TSHZ2: variants seen among roughly 807,000 people sequenced by gnomAD.
The protein encoded by TSHZ2 is teashirt homolog 2.
TSHZ2 carries 21 observed loss-of-function variants against 74.4 expected under a neutral mutation model. That is an observed-to-expected ratio of 0.28 (90% CI 0.20 to 0.41). The LOEUF (loss-of-function observed/expected upper bound fraction) is 0.41, where lower values mean the gene tolerates loss of function less well. Among genes scored for constraint, TSHZ2 ranks in the 10% least tolerant of loss-of-function variants. The pLI, the probability that TSHZ2 is intolerant of heterozygous loss-of-function variation, is 1.00. For synonymous variants in TSHZ2, 540 were observed against 515.3 expected, an observed-to-expected ratio of 1.05 and a Z score of -0.65; for missense variants, 1,244 against 1,293.5, an observed-to-expected ratio of 0.96 and a Z score of 0.59.
intron 2 of TSHZ2, among the ~76,000 whole-genome samples, chr20:53,327,072 T>G (rs116727385): frequency 6.6e-6 from 1 of 152,224 alleles, no homozygotes; most frequent in Admixed American, 6.5e-5. Flanking sequence ...TAAAGTCTGA[T>G]GAGGACATAG....
chr20:53,111,250 T>C (rs763094939), intron 1 of TSHZ2, among the ~76,000 whole-genome samples: 13 of 152,242 alleles, frequency 8.5e-5, no homozygotes, highest in African/African-American at 1.4e-4. Context: ...GATTATTTAT[T>C]CAGTCAATGA....
chr20:53,221,286 G>A (rs1007874098), intron 1 of TSHZ2, among the ~76,000 whole-genome samples: 6 of 152,098 alleles, frequency 3.9e-5, no homozygotes, highest in African/African-American at 1.4e-4. Flanking sequence ...CCCAGTCTCA[G>A]GTATGTCTTT....
In TSHZ2 at chr20:53,319,746, A is replaced by G. The variant is rs1568866346; in HGVS notation, c.*8+63175A>G. ...TCTGAGTCTCAGTTTAGTCATCTAA[A>G]AAATGGGGACAAAATCTTTAAGAGA... On this transcript the variant is annotated intron_variant, in intron 2 of 2. Transcript: ENST00000371497. 2.0e-5 allele frequency among the ~76,000 whole-genome samples: 3 copies of G among 152,246 alleles called. No individual in the cohort carries two copies. In the South Asian group the frequency reaches 6.2e-4, roughly 31 times the overall value.
At chr20:53,324,960 A>C (rs1600811093) in intron 2 of TSHZ2, among the ~76,000 whole-genome samples, 3 of 152,238 alleles carry the variant, frequency 2.0e-5, no homozygotes, top group Non-Finnish European at 2.9e-5. Context: ...GAGTGACAAC[A>C]GTCAATGCAG....
At chr20:53,079,189 C>T (rs1985454651) in intron 1 of TSHZ2, among the ~76,000 whole-genome samples, 1 of 152,180 alleles carries the variant, frequency 6.6e-6, no homozygotes, top group Non-Finnish European at 1.5e-5. Flanking sequence ...GCTCTACTAA[C>T]TACTTTTAGT....
intron 1 of TSHZ2, among the ~76,000 whole-genome samples, chr20:53,121,382 A>G (rs894963998): frequency 2.2e-4 from 33 of 152,158 alleles, no homozygotes; most frequent in African/African-American, 6.8e-4. Context: ...CAAGATATAT[A>G]TAGCCTTCAT....
chr20:53,200,686 C>A (rs1988982965), intron 1 of TSHZ2, among the ~76,000 whole-genome samples: 1 of 151,732 alleles, frequency 6.6e-6, no homozygotes, highest in Non-Finnish European at 1.5e-5. Flanking sequence ...GTATCCTGTT[C>A]TGGTTTTGGC....
intron 1 of TSHZ2, among the ~76,000 whole-genome samples, chr20:53,240,721 T>TGATACATAGATA (rs1990043387): frequency 6.9e-6 from 1 of 145,042 alleles, no homozygotes; most frequent in Non-Finnish European, 1.5e-5. Context: ...GATAGATAGA[T>TGATACATAGATA]GATAGATAGA....
At chr20:52,979,096 T>C (rs889524666) in intron 1 of TSHZ2, among the ~76,000 whole-genome samples, 9 of 152,146 alleles carry the variant, frequency 5.9e-5, no homozygotes, top group African/African-American at 2.2e-4. Context: ...AGTACTTGCT[T>C]GCTTACCTGA....
intron 1 of TSHZ2, among the ~76,000 whole-genome samples, chr20:53,048,617 C>T (rs781329216): frequency 1.3e-5 from 2 of 152,186 alleles, no homozygotes; most frequent in African/African-American, 2.4e-5. Context: ...AAGTTTCCGG[C>T]GGATGACCTC....
chr20:53,202,061 A>G (rs1989022808), intron 1 of TSHZ2, among the ~76,000 whole-genome samples: 1 of 152,210 alleles, frequency 6.6e-6, no homozygotes, highest in Non-Finnish European at 1.5e-5. Context: ...TGTCGCTCAC[A>G]TGGACAGTAT....
At chr20:53,305,420 C>A (rs1478149370) in intron 2 of TSHZ2, among the ~76,000 whole-genome samples, 3 of 149,982 alleles carry the variant, frequency 2.0e-5, no homozygotes, top group Non-Finnish European at 4.4e-5. Context: ...TTTTTCTTTT[C>A]TGGTACAATG....
chr20:53,094,172 T>G (rs1985969309), intron 1 of TSHZ2, among the ~76,000 whole-genome samples: 2 of 152,172 alleles, frequency 1.3e-5, no homozygotes. Flanking sequence ...GTAGAGACTG[T>G]CTGGCCTGCA....
chr20:53,076,755 A>G (rs1402825044), intron 1 of TSHZ2, among the ~76,000 whole-genome samples: 21 of 152,228 alleles, frequency 1.4e-4, no homozygotes, highest in Admixed American at 1.2e-3. Context: ...TTGCACATTC[A>G]ATGAACTTAG....
At chr20:53,482,879 C>T (rs1035326217) in intron 2 of TSHZ2, among the ~76,000 whole-genome samples, 21 of 151,640 alleles carry the variant, frequency 1.4e-4, no homozygotes, top group Non-Finnish European at 7.4e-5. Flanking sequence ...ATACTCAAGC[C>T]GGGGCAACAG....
In TSHZ2 at chr20:53,444,695, A is replaced by G. The variant is rs73135958; in HGVS notation, c.*9-42449A>G. On this transcript the variant is annotated intron_variant, in intron 2 of 2. Coordinates refer to ENST00000371497, the MANE Select transcript of TSHZ2 (RefSeq NM_173485.6). ...GGACATTCTAGCCCGGGAAGTTTCT[A>G]GGGTATGTCAAAGTGTCCACAAGCC... is the stretch of plus-strand genomic sequence containing the variant. 8.7e-3 allele frequency among the ~76,000 whole-genome samples: 1,323 copies of G among 152,302 alleles called. 15 individuals are homozygous for G. The highest frequency in any genetic ancestry group is 0.017 in the Admixed American group (256 of 15,300).
chr20:53,329,499 G>C (rs1466577747), intron 2 of TSHZ2, among the ~76,000 whole-genome samples: 1 of 152,214 alleles, frequency 6.6e-6, no homozygotes, highest in East Asian at 1.9e-4. Context: ...CTTTTCTTCT[G>C]ATCCTCCATA....
chr20:53,207,144 C>T (rs1989188212), intron 1 of TSHZ2, among the ~76,000 whole-genome samples: 1 of 152,136 alleles, frequency 6.6e-6, no homozygotes, highest in Admixed American at 6.5e-5. Flanking sequence ...CCCTAATAAA[C>T]ATACAGTTGT....
intron 1 of TSHZ2, among the ~76,000 whole-genome samples, chr20:53,001,205 C>CGTGTGTGTGTGTGTGTGTGTGTGTATGT (rs1982398323): frequency 1.1e-5 from 1 of 94,190 alleles, no homozygotes; most frequent in African/African-American, 4.0e-5. Context: ...CGTTCATGTG[C>CGTGTGTGTGTGTGTGTGTGTGTGTATGT]GTGTGTGTGT....
Sources: gnomAD v4.1 joint callset for allele counts (sites outside exome capture counted in the v4.1 genomes callset) on GRCh38, gnomAD v4.1.1 for gene constraint, MANE v1.5 for transcripts, NCBI Gene and HGNC (gene_info 2026-07-23, HGNC 2026-07-21) for gene names.